MORC1: variants seen among roughly 807,000 people sequenced by gnomAD.
The protein encoded by MORC1 is MORC family CW-type zinc finger protein 1.
In MORC1, 59 loss-of-function variants were observed where a neutral mutation model predicts 134.9. That is an observed-to-expected ratio of 0.44 (90% CI 0.35 to 0.54). The LOEUF (loss-of-function observed/expected upper bound fraction) is 0.54. MORC1 is among the 20% of genes least tolerant of loss of function. The pLI is 0.00. For missense variants in MORC1, 947 were observed against 1,134.5 expected (o/e 0.83, Z 2.37); for synonymous variants, 395 against 391.7 (o/e 1.01, Z -0.10).
chr3:109,063,328 T>C (rs1167509487), intron 9 of MORC1, 97 bp from the exon 10 acceptor site: 21 of 660,084 alleles, frequency 3.2e-5, no homozygotes, highest in Non-Finnish European at 4.9e-5. Flanking sequence ...CAGAGATACA[T>C]AATTATTAAG....
intron 17 of MORC1, among the ~76,000 whole-genome samples, chr3:109,020,989 A>G (rs144249577): frequency 9.8e-5 from 15 of 152,294 alleles, no homozygotes; most frequent in African/African-American, 3.6e-4. Context: ...GTAAGAAGGA[A>G]ATTGGGTCAA....
intron 14 of MORC1, among the ~76,000 whole-genome samples, chr3:109,044,778 C>T (rs866282813): frequency 2.0e-5 from 3 of 150,750 alleles, no homozygotes; most frequent in African/African-American, 4.9e-5. Flanking sequence ...AACTCTGTCT[C>T]TACTAAAACA....
At chr3:108,974,821 T>C (rs1429128060) in intron 24 of MORC1, among the ~76,000 whole-genome samples, 23 of 152,262 alleles carry the variant, frequency 1.5e-4, no homozygotes. Context: ...TCCAAAGTTG[T>C]TACTTTCATT....
intron 24 of MORC1, among the ~76,000 whole-genome samples, chr3:108,977,287 G>T (rs1476258206): frequency 6.6e-6 from 1 of 152,194 alleles, no homozygotes; most frequent in Non-Finnish European, 1.5e-5. Flanking sequence ...TCATGAATTT[G>T]TGAGAATAGA....
chr3:109,028,845 G>C (rs1273182518), intron 16 of MORC1, among the ~76,000 whole-genome samples: 1 of 152,196 alleles, frequency 6.6e-6, no homozygotes, highest in Non-Finnish European at 1.5e-5. Context: ...ACACGCAGTA[G>C]TGTCGTAAGA....
intron 23 of MORC1, among the ~76,000 whole-genome samples, chr3:108,982,854 T>C (rs73200698): frequency 0.3 from 45,458 of 151,758 alleles, 7,641 homozygotes; most frequent in Non-Finnish European, 0.37. Context: ...CATTCCCACT[T>C]TGGCAATCAC....
chr3:108,985,207 T>C (rs1185306765), intron 22 of MORC1, among the ~76,000 whole-genome samples: 1 of 152,160 alleles, frequency 6.6e-6, no homozygotes, highest in Non-Finnish European at 1.5e-5. Context: ...AGTAGGAAAG[T>C]GAACTTTAAA....
chr3:109,053,472 C>T (rs1283916021), intron 14 of MORC1, among the ~76,000 whole-genome samples: 1 of 151,998 alleles, frequency 6.6e-6, no homozygotes, highest in Non-Finnish European at 1.5e-5. Flanking sequence ...GTGTCCTTTG[C>T]AGCAACATGG....
intron 20 of MORC1, among the ~76,000 whole-genome samples, chr3:109,001,968 C>T (rs1029591213): frequency 1.3e-5 from 2 of 152,184 alleles, no homozygotes; most frequent in Non-Finnish European, 2.9e-5. Context: ...GGTGAAAGAA[C>T]TCAAAATTCT....
intron 24 of MORC1, among the ~76,000 whole-genome samples, chr3:108,977,562 T>C (rs1237042559): frequency 6.6e-6 from 1 of 152,148 alleles, no homozygotes; most frequent in Admixed American, 6.5e-5. Flanking sequence ...TGTAGTAATG[T>C]CCGAATAATT....
At chr3:109,063,041 T>A in intron 10 of MORC1, 111 bp downstream of exon 10, 5 of 663,538 alleles carry the variant, frequency 7.5e-6, no homozygotes, top group Non-Finnish European at 1.0e-5. Flanking sequence ...ATTTAATTAA[T>A]TGTAGTAGCT....
In MORC1 at chr3:109,069,319, T is replaced by C. The variant is rs188323759; in HGVS notation, c.815+313A>G. On this transcript the variant is annotated intron_variant, in intron 9 of 27. Transcript: ENST00000232603. ...TCAAATGTATTGTGTAAACAGAAGATATACGTGAACTGTGATCATTTAGTG... is the reference window on the plus strand; with the variant it reads ...TCAAATGTATTGTGTAAACAGAAGACATACGTGAACTGTGATCATTTAGTG... Among the ~76,000 whole-genome samples, 257 of 152,314 alleles carry C rather than the reference T, an allele frequency of 1.7e-3. 1 individual carries two copies. Among genetic ancestry groups the C allele is most frequent in the Non-Finnish European group, 2.7e-3 (187 of 68,028 alleles).
chr3:109,066,416 G>T (rs574539906), intron 9 of MORC1, among the ~76,000 whole-genome samples: 1 of 151,798 alleles, frequency 6.6e-6, no homozygotes, highest in Non-Finnish European at 1.5e-5. Context: ...CTCTGGAATA[G>T]CTGGGATTAC....
chr3:109,019,374 A>G (rs2107575358), intron 17 of MORC1, among the ~76,000 whole-genome samples: 1 of 152,354 alleles, frequency 6.6e-6, no homozygotes, highest in Non-Finnish European at 1.5e-5. Context: ...GCTACTCAGA[A>G]AAAGAAATTA....
intron 17 of MORC1, among the ~76,000 whole-genome samples, chr3:109,009,211 T>G (rs947696910): frequency 1.0e-4 from 15 of 147,238 alleles, no homozygotes; most frequent in South Asian, 4.4e-4. Flanking sequence ...TTTGTTGTTT[T>G]TTTTTTTTTT....
At chr3:108,961,988 A>G (rs1033358986) in intron 27 of MORC1, among the ~76,000 whole-genome samples, 1 of 152,286 alleles carries the variant, frequency 6.6e-6, no homozygotes, top group Non-Finnish European at 1.5e-5. Context: ...CTGAAACACT[A>G]CCATGTGCTA....
chr3:109,072,428 T>C (rs1163148330), intron 8 of MORC1, among the ~76,000 whole-genome samples: 1 of 152,176 alleles, frequency 6.6e-6, no homozygotes, highest in African/African-American at 2.4e-5. Flanking sequence ...CCCCTCCTTC[T>C]GTACTTCCCG....
intron 16 of MORC1, among the ~76,000 whole-genome samples, chr3:109,028,697 T>G (rs1384787737): frequency 6.6e-6 from 1 of 152,194 alleles, no homozygotes; most frequent in South Asian, 2.1e-4. Flanking sequence ...TTTGTGGTTA[T>G]GTACTGGGGA....
In MORC1 at chr3:109,054,899, A is replaced by G. The variant is rs751920578; in HGVS notation, c.1176-17T>C. On this transcript the variant is annotated splice_polypyrimidine_tract_variant and intron_variant, in intron 13 of 27. Transcript: ENST00000232603. Reference sequence around the variant, plus strand: ...GCGCCAAGTCTGAGAAAATATATGCATATTTAAATTTTGAAAATTTGGCTA... The same window carrying G: ...GCGCCAAGTCTGAGAAAATATATGCGTATTTAAATTTTGAAAATTTGGCTA... The G allele has an allele frequency of 8.1e-5, 128 of 1,575,582 alleles. No homozygotes were observed. Among genetic ancestry groups the G allele is most frequent in the Non-Finnish European group, 1.0e-4 (119 of 1,169,524 alleles).
Sources: gnomAD v4.1 joint callset for allele counts (sites outside exome capture counted in the v4.1 genomes callset) on GRCh38, gnomAD v4.1.1 for gene constraint, MANE v1.5 for transcripts, NCBI Gene and HGNC (gene_info 2026-07-23, HGNC 2026-07-21) for gene names.